Variants in ACTR6 observed in about 807,000 individuals in gnomAD.
ACTR6 encodes the protein actin related protein 6, also known as actin-related protein 6.
Under a neutral mutation model 52.5 loss-of-function variants are expected in ACTR6, and 50 were observed. The observed-to-expected ratio is 0.95, with a 90% CI of 0.76 to 1.20. ACTR6 has a LOEUF of 1.20. ACTR6 is among the 50% of genes most tolerant of loss of function. The probability of loss-of-function intolerance (pLI) is 0.00; values close to 1 mark genes in which losing one functional copy is unlikely to be tolerated. For synonymous variants in ACTR6, 135 were observed against 147.2 expected, an observed-to-expected ratio of 0.92 and a Z score of 0.60; for missense variants, 344 against 472.4, an observed-to-expected ratio of 0.73 and a Z score of 2.52.
chr12:100,208,653 T>C (rs932997381), intron 4 of ACTR6: 8 of 453,014 alleles, frequency 1.8e-5, no homozygotes, highest in Non-Finnish European at 3.1e-5. Flanking sequence ...TAATATTTCT[T>C]CTAATGAAGT....
intron 1 of ACTR6, among the ~76,000 whole-genome samples, chr12:100,201,332 A>G (rs2096109504): frequency 6.6e-6 from 1 of 152,218 alleles, no homozygotes; most frequent in South Asian, 2.1e-4. Flanking sequence ...CAAAAGTCTA[A>G]AAATCACGGT....
chr12:100,209,659 G>A (rs74843233), intron 4 of ACTR6, among the ~76,000 whole-genome samples: 2,528 of 152,268 alleles, frequency 0.017, 66 homozygotes, highest in African/African-American at 0.058. Context: ...TAACTGTGTG[G>A]CTTTGAGCAC....
Position 100,210,094 on chromosome 12 carries a change from G to A in ACTR6, c.401G>A (p.Arg134Lys). Residue 134 changes from arginine to lysine, a missense_variant, in exon 5 of 11, where the codon AGG becomes AAG. Arg to Lys is a conservative substitution (Grantham distance 26, BLOSUM62 2). Coordinates refer to ENST00000188312, the MANE Select transcript of ACTR6 (RefSeq NM_022496.5). ...ATAGCTGGGGCTCTCAGTGCACATAGGTATTTCCGAGATAATCCTTCCGAA... is the reference window on the plus strand; with the variant it reads ...ATAGCTGGGGCTCTCAGTGCACATAAGTATTTCCGAGATAATCCTTCCGAA... ...RVNAGALSAH[R>K]YFRDNPSELC... 1 of 1,605,478 alleles carries A rather than the reference G, an allele frequency of 6.2e-7. No individual in the cohort carries two copies. Among genetic ancestry groups the A allele is most frequent in the Non-Finnish European group, 8.5e-7 (1 of 1,177,890 alleles).
intron 4 of ACTR6, chr12:100,208,741 A>ATTGT (rs774272298): frequency 5.0e-5 from 23 of 455,628 alleles, no homozygotes; most frequent in Admixed American, 9.4e-5. Context: ...TGCAATTATT[A>ATTGT]TTGTTTGTTT....
chr12:100,202,079 G>A (rs780625594), intron 1 of ACTR6, among the ~76,000 whole-genome samples: 2 of 151,922 alleles, frequency 1.3e-5, no homozygotes, highest in Non-Finnish European at 2.9e-5. Flanking sequence ...CTACAGTTGC[G>A]CACCACCACG....
chr12:100,210,213 G>T lies in ACTR6; in HGVS notation c.515+5G>T. ...GAAAAAAGAAGCAATTATTCGGTGA[G>T]TTGTATTTAATTTTCATGTTGTTTC... On this transcript the variant is annotated splice_donor_5th_base_variant and intron_variant, in intron 5 of 10. Coordinates refer to ENST00000188312, the MANE Select transcript of ACTR6 (RefSeq NM_022496.5). 6.2e-7 allele frequency: 1 copy of T among 1,602,862 alleles called. No homozygotes were observed. Among genetic ancestry groups the T allele is most frequent in the Non-Finnish European group, 8.5e-7 (1 of 1,172,954 alleles).
In ACTR6 at chr12:100,207,654, C is replaced by A. The variant is rs573026738; in HGVS notation, c.256-9C>A. The A allele has an allele frequency of 9.7e-6, 14 of 1,447,338 alleles. No homozygotes were observed. The East Asian group carries it at 1.4e-4, about 15-fold the overall frequency. The allele number at this position is 1,447,338 out of a possible 1,614,324, so 89.7% of individuals were successfully genotyped here. A position where few individuals can be genotyped will look rare whatever the true frequency, so the allele number is the denominator to read the frequency against. On this transcript the variant is annotated splice_polypyrimidine_tract_variant and intron_variant, in intron 3 of 10. Transcript: ENST00000188312. ...ATTATGAAACATTTTGGAATGTTTT[C>A]TCCTATAGGTTGATTTTTTAGATAC...
rs1272495467 is a variant in ACTR6 at position 100,218,028 on chromosome 12, CG to C, written c.751-382del. Among the ~76,000 whole-genome samples the C allele has an allele frequency of 2.0e-5, 3 of 151,870 alleles. No individual in the cohort carries two copies. The highest frequency in any genetic ancestry group is 7.3e-5 in the African/African-American group (3 of 41,330). On this transcript the variant is annotated intron_variant, in intron 8 of 10. Coordinates refer to ENST00000188312, the MANE Select transcript of ACTR6 (RefSeq NM_022496.5). The surrounding 1 kb of genome is among the most constrained non-coding windows in gnomAD (Gnocchi z 4.2). ...AATTTTTGTTTTGTTTTTTAAGAGA[CG>C]GGGGTCTCGCTATGTTTCCCAGGCT...
intron 2 of ACTR6, 76 bp downstream of exon 2, chr12:100,205,133 G>T: frequency 1.0e-6 from 1 of 957,654 alleles, no homozygotes. Context: ...TATATAAAAG[G>T]CTGTGTGTAA....
intron 10 of ACTR6, among the ~76,000 whole-genome samples, chr12:100,222,080 G>A (rs1005448656): frequency 4.0e-5 from 6 of 151,764 alleles, no homozygotes; most frequent in East Asian, 3.9e-4. Context: ...TCAGCCTCCC[G>A]AATAGCTGGG....
chr12:100,201,022 G>A (rs1404131115), intron 1 of ACTR6, 103 bp downstream of exon 1: 13 of 1,588,794 alleles, frequency 8.2e-6, no homozygotes, highest in East Asian at 6.8e-5. Flanking sequence ...CCCCCGCGCG[G>A]CCCTGACTTA....
At chr12:100,207,811 T>C in intron 4 of ACTR6, 25 bp downstream of exon 4, 1 of 1,582,394 alleles carries the variant, frequency 6.3e-7, no homozygotes, top group Non-Finnish European at 8.6e-7. Context: ...TCACTGAAAT[T>C]GAGTTATATG....
rs149099797 is a variant in ACTR6 at position 100,218,033 on chromosome 12, G to T, written c.751-382G>T. Among the ~76,000 whole-genome samples the T allele has an allele frequency of 2.4e-3, 367 of 152,032 alleles. No homozygotes were observed. The highest frequency in any genetic ancestry group is 4.5e-3 in the Non-Finnish European group (307 of 67,978). The stretch of plus-strand genomic sequence containing the variant: ...TTGTTTTGTTTTTTAAGAGACGGGG[G>T]TCTCGCTATGTTTCCCAGGCTGTCT... On this transcript the variant is annotated intron_variant, in intron 8 of 10. Coordinates refer to ENST00000188312, the MANE Select transcript of ACTR6 (RefSeq NM_022496.5). This position sits in a 1 kb window ranked among gnomAD's most constrained non-coding sequence, Gnocchi z 4.2.
At chr12:100,216,705 G>A (rs759401859) in intron 8 of ACTR6, among the ~76,000 whole-genome samples, 1 of 152,202 alleles carries the variant, frequency 6.6e-6, no homozygotes, top group African/African-American at 2.4e-5. Flanking sequence ...ACTCAAGTCA[G>A]TGAATGGCTG....
chr12:100,214,652 T>A (rs2096122626), intron 8 of ACTR6, among the ~76,000 whole-genome samples: 1 of 152,078 alleles, frequency 6.6e-6, no homozygotes, highest in Admixed American at 6.5e-5. Flanking sequence ...GGAGGATTGC[T>A]TGTGCCCATG....
chr12:100,222,725 C>T (rs2096129293), intron 10 of ACTR6, among the ~76,000 whole-genome samples: 2 of 152,114 alleles, frequency 1.3e-5, no homozygotes, highest in South Asian at 4.1e-4. Flanking sequence ...TAACATTTTT[C>T]TTTACCTTTT....
chr12:100,204,445 C>A (rs1458516706), intron 1 of ACTR6, among the ~76,000 whole-genome samples: 1 of 152,226 alleles, frequency 6.6e-6, no homozygotes, highest in African/African-American at 2.4e-5. Context: ...ACTGCAACCT[C>A]CATCTCTCAG....
intron 8 of ACTR6, among the ~76,000 whole-genome samples, chr12:100,216,798 C>A (rs1232339683): frequency 1.3e-5 from 2 of 149,256 alleles, no homozygotes; most frequent in African/African-American, 5.2e-5. Context: ...GCATAATATT[C>A]TTCTCTTTGT....
At position 100,212,472 on chromosome 12, in the gene ACTR6, G is replaced by C. The variant is rs1415410192; in HGVS notation, c.694G>C (p.Val232Leu). ...CAGGTTGAAAGGAGAAGAAAATACA[G>C]TAATGATAGACTATGTCTTGCCTGA... ...IAKLKGEENT[V>L]MIDYVLPDFS... The change falls in exon 8 of 11, where the codon GTA becomes CTA. Residue 232 changes from valine to leucine, a missense_variant. By Grantham distance (32) the Val-to-Leu change is conservative (BLOSUM62 1). Transcript: ENST00000188312. 6.2e-7 allele frequency: 1 copy of C among 1,613,678 alleles called. No homozygotes were observed. The highest frequency in any genetic ancestry group is 8.5e-7 in the Non-Finnish European group (1 of 1,179,778).
Sources: allele counts gnomAD v4.1 joint callset (sites outside exome capture counted in the v4.1 genomes callset), GRCh38; gene constraint gnomAD v4.1.1; non-coding constraint Gnocchi (gnomAD v3.1); transcripts MANE v1.5; gene names NCBI Gene and HGNC (gene_info 2026-07-23, HGNC 2026-07-21).